The following DOCK9 variants were observed in gnomAD, a reference collection of about 807,000 sequenced individuals.
The protein encoded by DOCK9 is dedicator of cytokinesis 9.
DOCK9 carries 89 observed loss-of-function variants against 263.3 expected under a neutral mutation model. The ratio of observed to expected loss-of-function variants is 0.34; its 90% confidence interval spans 0.28 to 0.40. The LOEUF is 0.40. DOCK9 is among the 10% of genes least tolerant of loss of function. The probability of loss-of-function intolerance (pLI) is 1.00; values close to 1 mark genes in which losing one functional copy is unlikely to be tolerated. For synonymous variants in DOCK9, 976 were observed against 973.1 expected (o/e 1.00, Z -0.06); for missense variants, 2,140 against 2,603.4 (o/e 0.82, Z 3.87).
At chr13:99,045,111 G>T (rs1010825807) in intron 1 of DOCK9, among the ~76,000 whole-genome samples, 1 of 152,170 alleles carries the variant, frequency 6.6e-6, no homozygotes, top group African/African-American at 2.4e-5. Flanking sequence ...TTCCTTAAAA[G>T]ATTAAAAATA....
chr13:99,001,221 A>G (rs751544346), intron 1 of DOCK9, among the ~76,000 whole-genome samples: 3 of 152,238 alleles, frequency 2.0e-5, no homozygotes, highest in Admixed American at 6.5e-5. Flanking sequence ...ACTTGCTGGT[A>G]CGAAACCACT....
At chr13:98,870,296 G>A (rs2142167711) in intron 27 of DOCK9, among the ~76,000 whole-genome samples, 1 of 152,228 alleles carries the variant, frequency 6.6e-6, no homozygotes, top group East Asian at 1.9e-4. Context: ...ATCCAATGAG[G>A]AAAGGATCAG....
chr13:99,025,043 T>C (rs950020090), intron 1 of DOCK9, among the ~76,000 whole-genome samples: 2 of 152,232 alleles, frequency 1.3e-5, no homozygotes, highest in Non-Finnish European at 2.9e-5. Context: ...CTCTCTTTTA[T>C]ATACAGCCAG....
chr13:98,866,057 T>C (rs2094012069), intron 30 of DOCK9, among the ~76,000 whole-genome samples: 1 of 152,110 alleles, frequency 6.6e-6, no homozygotes, highest in African/African-American at 2.4e-5. Context: ...AGAAAAAGTC[T>C]CCCCCAGATA....
intron 36 of DOCK9, 42 bp downstream of exon 36, chr13:98,850,005 G>T: frequency 7.1e-7 from 1 of 1,405,394 alleles, no homozygotes; most frequent in South Asian, 1.2e-5. Context: ...TAATGATCCA[G>T]GAAAAAATCA....
intron 1 of DOCK9, among the ~76,000 whole-genome samples, chr13:99,048,064 G>A (rs183183667): frequency 7.1e-4 from 108 of 152,242 alleles, no homozygotes; most frequent in African/African-American, 2.3e-3. Flanking sequence ...GCAAAATCAC[G>A]AATCAAACAC....
At chr13:98,943,413 C>T (rs1249946547) in intron 2 of DOCK9, among the ~76,000 whole-genome samples, 2 of 152,184 alleles carry the variant, frequency 1.3e-5, no homozygotes, top group South Asian at 4.1e-4. Flanking sequence ...CATAGCTGGA[C>T]TTGTTTTTGT....
At chr13:98,961,935 G>T (rs527901978) in intron 1 of DOCK9, among the ~76,000 whole-genome samples, 2 of 152,360 alleles carry the variant, frequency 1.3e-5, no homozygotes, top group South Asian at 4.1e-4. Flanking sequence ...CGGTATGTAA[G>T]ATTAGTCATT....
intron 1 of DOCK9, among the ~76,000 whole-genome samples, chr13:99,041,301 T>C (rs984919587): frequency 6.6e-6 from 1 of 152,036 alleles, no homozygotes; most frequent in African/African-American, 2.4e-5. Context: ...CTGGGCAACA[T>C]AGAGAAACCC....
In DOCK9 at chr13:98,863,094, C is replaced by G. The variant is rs1437553450; in HGVS notation, c.3504G>C (p.Leu1168=). The G allele has an allele frequency of 6.2e-7, 1 of 1,611,192 alleles. No individual in the cohort carries two copies. The highest frequency in any genetic ancestry group is 1.7e-5 in the Admixed American group (1 of 59,772). The change falls in exon 32 of 53, where the codon CTG becomes CTC. Residue 1168 remains leucine, a synonymous_variant. Coordinates refer to ENST00000682017, the MANE Select transcript of DOCK9 (RefSeq NM_001366683.2). ...QARIATLYLP[L]FGLLIENVQR... is the part of the protein sequence containing the mutation. Reference sequence around the variant, plus strand: ...GGACGTTTTCAATCAGCAGACCAAACAGAGGCAGGTAGAGGGTGGCTATCC... The same window carrying G: ...GGACGTTTTCAATCAGCAGACCAAAGAGAGGCAGGTAGAGGGTGGCTATCC...
Position 98,824,383 on chromosome 13 carries a change from A to G in DOCK9, c.5130+15T>C, listed in dbSNP as rs775192285. On this transcript the variant is annotated intron_variant, in intron 45 of 52. Transcript: ENST00000682017. ...ACCCCAGTACCTGAAAGCCCACATGAGTTCAAGCACGCACCTCGTTGAAAT... is the reference window on the plus strand; with the variant it reads ...ACCCCAGTACCTGAAAGCCCACATGGGTTCAAGCACGCACCTCGTTGAAAT... The G allele has an allele frequency of 1.2e-6, 2 of 1,612,010 alleles. No individual in the cohort carries two copies. The highest frequency in any genetic ancestry group is 1.7e-6 in the Non-Finnish European group (2 of 1,178,300).
upstream of DOCK9, among the ~76,000 whole-genome samples, chr13:99,087,046 G>GC (rs559994487): frequency 2.2e-3 from 334 of 152,092 alleles, 9 homozygotes; most frequent in South Asian, 0.048. Context: ...GGTGCACCAC[G>GC]CCCCCCCTCT....
At chr13:99,083,585 G>A (rs1328375363) in intron 1 of DOCK9, among the ~76,000 whole-genome samples, 1 of 151,834 alleles carries the variant, frequency 6.6e-6, no homozygotes, top group Non-Finnish European at 1.5e-5. Flanking sequence ...CAATCTGGAT[G>A]ATGAAATATG....
In DOCK9 at chr13:98,863,051, C is replaced by G; in HGVS notation, c.3547G>C (p.Asp1183His). The change falls in exon 32 of 53, where the codon GAT becomes CAT. Residue 1183 changes from aspartate (D) to histidine (H), a missense_variant. This residue lies in a region of DOCK9 where 1,521 missense variants were observed against 1,741.7 expected (regional missense o/e 0.87). Coordinates refer to ENST00000682017, the MANE Select transcript of DOCK9 (RefSeq NM_001366683.2). ...IENVQRINVR[D>H]VSPFPVNAGM... ...GCGTTCACAGGGAAGGGTGACACAT[C>G]CCTCACATTGATCCGCTGGACGTTT... 1.2e-6 allele frequency: 2 copies of G among 1,610,932 alleles called. No homozygotes were observed. The highest frequency in any genetic ancestry group is 8.5e-7 in the Non-Finnish European group (1 of 1,178,746).
At chr13:98,881,799 G>T in intron 24 of DOCK9, 93 bp downstream of exon 24, 1 of 1,292,960 alleles carries the variant, frequency 7.7e-7, no homozygotes, top group Non-Finnish European at 1.1e-6. Flanking sequence ...TAAATGTAAT[G>T]TTCAGCACAC....
chr13:98,916,508 T>C (rs2050912938), intron 7 of DOCK9, among the ~76,000 whole-genome samples: 1 of 152,310 alleles, frequency 6.6e-6, no homozygotes, highest in South Asian at 2.1e-4. Context: ...AGTTCCTTGG[T>C]GGAGGTCTCA....
In DOCK9 at chr13:98,963,913, G is replaced by A. The variant is rs567477337; in HGVS notation, c.127-8362C>T. Reference sequence around the variant, plus strand: ...TCATGCACGTGACTCTCGCTACGTAGCCCCACCAGGAATTTCTTGAAGTTG... The same window carrying A: ...TCATGCACGTGACTCTCGCTACGTAACCCCACCAGGAATTTCTTGAAGTTG... On this transcript the variant is annotated intron_variant, in intron 1 of 52. Transcript: ENST00000682017. Among the ~76,000 whole-genome samples the A allele has an allele frequency of 1.6e-4, 25 of 152,338 alleles. No individual in the cohort carries two copies. In the East Asian group the frequency reaches 4.6e-3, roughly 28 times the overall value.
rs1006533192 is a variant in DOCK9 at position 98,883,706 on chromosome 13, G to A, written c.2469+107C>T. Reference sequence around the variant, plus strand: ...TTCTTTCTTTAGAAAAAGATCTATAGAGTAAAAATATAGTAATATAACACA... The same window carrying A: ...TTCTTTCTTTAGAAAAAGATCTATAAAGTAAAAATATAGTAATATAACACA... On this transcript the variant is annotated intron_variant, in intron 22 of 52. Coordinates refer to ENST00000682017, the MANE Select transcript of DOCK9 (RefSeq NM_001366683.2). 2.5e-4 allele frequency: 162 copies of A among 643,338 alleles called. 2 individuals are homozygous for A. Among genetic ancestry groups the A allele is most frequent in the Middle Eastern group, 1.5e-3 (6 of 3,896 alleles). The allele number at this position is 643,338 out of a possible 1,614,324, so 39.9% of individuals were successfully genotyped here. A position where few individuals can be genotyped will look rare whatever the true frequency, so the allele number is the denominator to read the frequency against.
At chr13:98,949,005 C>G (rs1314179592) in intron 2 of DOCK9, among the ~76,000 whole-genome samples, 3 of 152,186 alleles carry the variant, frequency 2.0e-5, no homozygotes, top group Non-Finnish European at 4.4e-5. Context: ...TAATGCTGAT[C>G]TCAATAGGGG....
Sources: allele counts gnomAD v4.1 joint callset (sites outside exome capture counted in the v4.1 genomes callset), GRCh38; gene constraint gnomAD v4.1.1; regional missense constraint gnomAD v4.1.1; transcripts MANE v1.5; gene names NCBI Gene and HGNC (gene_info 2026-07-23, HGNC 2026-07-21).